ZNF385D: variants seen among roughly 807,000 people sequenced by gnomAD.
ZNF385D encodes zinc finger protein 659.
ZNF385D carries 15 observed loss-of-function variants against 35.8 expected under a neutral mutation model. That is an observed-to-expected ratio of 0.42 (90% CI 0.28 to 0.64). The LOEUF (loss-of-function observed/expected upper bound fraction) is 0.64, where lower values mean the gene tolerates loss of function less well. ZNF385D is among the 30% of genes least tolerant of loss of function. The probability of loss-of-function intolerance (pLI) is 0.23; values close to 1 mark genes in which losing one functional copy is unlikely to be tolerated. For missense variants in ZNF385D, 474 were observed against 494.6 expected, an observed-to-expected ratio of 0.96 and a Z score of 0.39; for synonymous variants, 212 against 186.8, an observed-to-expected ratio of 1.13 and a Z score of -1.10.
chr3:22,046,497 T>TC (rs1162073232), intron 3 of ZNF385D, among the ~76,000 whole-genome samples: 1 of 152,198 alleles, frequency 6.6e-6, no homozygotes, highest in African/African-American at 2.4e-5. Flanking sequence ...GACATTTTTT[T>TC]CCCATGTGTG....
chr3:22,003,279 A>G (rs9882496), intron 3 of ZNF385D, among the ~76,000 whole-genome samples: 80,846 of 152,050 alleles, frequency 0.53, 23,056 homozygotes, highest in African/African-American at 0.75. Flanking sequence ...CTATGTATCA[A>G]TAATGAACTA....
intron 2 of ZNF385D, among the ~76,000 whole-genome samples, chr3:21,612,063 T>C (rs556994548): frequency 2.6e-4 from 39 of 152,054 alleles, no homozygotes; most frequent in Non-Finnish European, 4.9e-4. Context: ...CTTCAGGAAA[T>C]TCTGTGGAGC....
At chr3:22,161,860 G>A (rs2125741643) in intron 3 of ZNF385D, among the ~76,000 whole-genome samples, 1 of 152,254 alleles carries the variant, frequency 6.6e-6, no homozygotes, top group East Asian at 1.9e-4. Flanking sequence ...GTATAATTTT[G>A]TTGACAGTAG....
At chr3:21,566,230 A>ACCTT (rs1052432067) in intron 2 of ZNF385D, among the ~76,000 whole-genome samples, 1 of 151,542 alleles carries the variant, frequency 6.6e-6, no homozygotes, top group Admixed American at 6.6e-5. Flanking sequence ...TTTCTTTTCC[A>ACCTT]CCTTCCCTTT....
intron 4 of ZNF385D, among the ~76,000 whole-genome samples, chr3:21,488,712 TA>T (rs759408902): frequency 6.6e-6 from 1 of 152,194 alleles, no homozygotes; most frequent in Non-Finnish European, 1.5e-5. Context: ...GAAATGGCAT[TA>T]AAAAAATGGC....
chr3:22,185,887 A>G (rs1006511474), intron 2 of ZNF385D, among the ~76,000 whole-genome samples: 1 of 152,212 alleles, frequency 6.6e-6, no homozygotes, highest in African/African-American at 2.4e-5. Flanking sequence ...TGTATTGTAC[A>G]TTTAACCACG....
chr3:21,617,769 G>A (rs2064890456), intron 2 of ZNF385D, among the ~76,000 whole-genome samples: 1 of 152,118 alleles, frequency 6.6e-6, no homozygotes, highest in South Asian at 2.1e-4. Flanking sequence ...TGGTGCCCTT[G>A]GTACGATGTT....
intron 3 of ZNF385D, among the ~76,000 whole-genome samples, chr3:22,009,964 A>G (rs1559845658): frequency 1.3e-5 from 2 of 152,122 alleles, no homozygotes; most frequent in East Asian, 1.9e-4. Context: ...ATAAGAATAG[A>G]AACAGTAGGA....
chr3:21,864,097 T>C (rs932011744), intron 3 of ZNF385D, among the ~76,000 whole-genome samples: 2 of 152,030 alleles, frequency 1.3e-5, no homozygotes, highest in Non-Finnish European at 2.9e-5. Flanking sequence ...ATGAATATAG[T>C]TGTGTATTCA....
At chr3:21,681,816 T>G (rs1248186400) in intron 1 of ZNF385D, among the ~76,000 whole-genome samples, 2 of 66,768 alleles carry the variant, frequency 3.0e-5, no homozygotes, top group African/African-American at 1.0e-4. Flanking sequence ...TGTGATGAAA[T>G]GAGGGAAAGA....
intron 1 of ZNF385D, among the ~76,000 whole-genome samples, chr3:21,721,801 C>A (rs1197430675): frequency 1.3e-5 from 2 of 152,120 alleles, no homozygotes; most frequent in Non-Finnish European, 2.9e-5. Context: ...AGTATCCTAT[C>A]TTAAAGAGAT....
At chr3:21,879,208 G>A (rs1320668345) in intron 3 of ZNF385D, among the ~76,000 whole-genome samples, 2 of 151,910 alleles carry the variant, frequency 1.3e-5, no homozygotes, top group Middle Eastern at 3.2e-3. Flanking sequence ...TCCTGTGTTT[G>A]TCATGTTCTT....
chr3:22,240,025 T>C (rs1347981444), intron 2 of ZNF385D, among the ~76,000 whole-genome samples: 2 of 146,430 alleles, frequency 1.4e-5, no homozygotes, highest in African/African-American at 5.1e-5. Context: ...AAAAAAAAAA[T>C]ACAAAATATT....
chr3:21,792,326 T>C (rs145166323), intron 3 of ZNF385D, among the ~76,000 whole-genome samples: 1 of 152,142 alleles, frequency 6.6e-6, no homozygotes, highest in African/African-American at 2.4e-5. Context: ...CAACCACTCT[T>C]TGTCTCTAGG....
chr3:21,978,302 A>G (rs2291818), intron 3 of ZNF385D: 42,573 of 152,142 alleles, frequency 0.28, 6,148 homozygotes, highest in East Asian at 0.33. Context: ...GTAAGTACTA[A>G]ATCAATGTTT....
chr3:22,000,427 G>A (rs1219877820), intron 3 of ZNF385D, among the ~76,000 whole-genome samples: 2 of 152,148 alleles, frequency 1.3e-5, no homozygotes, highest in African/African-American at 2.4e-5. Flanking sequence ...GCAATGTCAG[G>A]AAGTTACCCT....
chr3:22,209,372 G>T (rs1697368515), intron 2 of ZNF385D, among the ~76,000 whole-genome samples: 1 of 151,822 alleles, frequency 6.6e-6, no homozygotes. Flanking sequence ...AATAGGAGTT[G>T]ATTCAACTGT....
At position 22,285,349 on chromosome 3, in the gene ZNF385D, G is replaced by C. The variant is rs189582045; in HGVS notation, c.106+87101C>G. ...AAGATCTGACTAGTTTGACTAAGTAGAAAGATTATCTATTACAAATGACAA... is the reference window on the plus strand; with the variant it reads ...AAGATCTGACTAGTTTGACTAAGTACAAAGATTATCTATTACAAATGACAA... On this transcript the variant is annotated intron_variant, in intron 2 of 5. Transcript: ENST00000494108. 4.3e-3 allele frequency among the ~76,000 whole-genome samples: 659 copies of C among 152,190 alleles called. 9 individuals are homozygous for C. In the South Asian group the frequency reaches 0.05, roughly 11 times the overall value.
At chr3:21,685,285 T>C (rs2067069013) in intron 1 of ZNF385D, among the ~76,000 whole-genome samples, 1 of 152,188 alleles carries the variant, frequency 6.6e-6, no homozygotes, top group Non-Finnish European at 1.5e-5. Flanking sequence ...CTACTGGCTA[T>C]TTGGAAACAT....
Sources: allele counts gnomAD v4.1 joint callset (sites outside exome capture counted in the v4.1 genomes callset), GRCh38; gene constraint gnomAD v4.1.1; transcripts MANE v1.5; gene names NCBI Gene and HGNC (gene_info 2026-07-23, HGNC 2026-07-21).